RSPH4A: variants seen among roughly 807,000 people sequenced by gnomAD.
The protein encoded by RSPH4A is radial spoke head component 4A, also known as radial spoke head protein 4 homolog A.
A neutral mutation model predicts 71.0 loss-of-function variants in RSPH4A; 47 were observed. The ratio of observed to expected loss-of-function variants is 0.66; its 90% CI spans 0.52 to 0.84. RSPH4A has a LOEUF of 0.84. Among genes scored for constraint, RSPH4A ranks in the 40% least tolerant of loss-of-function variants. RSPH4A has a pLI of 0.00. For synonymous variants in RSPH4A, 282 were observed against 302.3 expected, an observed-to-expected ratio of 0.93 and a Z score of 0.70; for missense variants, 793 against 855.2, an observed-to-expected ratio of 0.93 and a Z score of 0.91.
chr6:116,619,492 A>G (rs766114192), intron 1 of RSPH4A, among the ~76,000 whole-genome samples: 23 of 152,198 alleles, frequency 1.5e-4, no homozygotes, highest in Admixed American at 6.5e-5. Context: ...CAATGTATAT[A>G]AATCATAATT....
At chr6:116,619,161 G>T (rs912976078) in intron 1 of RSPH4A, among the ~76,000 whole-genome samples, 26 of 152,110 alleles carry the variant, frequency 1.7e-4, no homozygotes, top group Non-Finnish European at 2.9e-4. Flanking sequence ...GGCCTTTTAT[G>T]GATATGTTAT....
In RSPH4A at chr6:116,632,356, T is replaced by A; in HGVS notation, c.2066T>A (p.Phe689Tyr). ...DDPSVEEEQAFRAAQEAVLLA... is the reference protein window; with the variant it reads ...DDPSVEEEQAYRAAQEAVLLA... ...CCTAGTGTGGAGGAGGAGCAGGCTTTCAGGGCTGCACAAGAAGCAGTTCTA... is the reference window on the plus strand; with the variant it reads ...CCTAGTGTGGAGGAGGAGCAGGCTTACAGGGCTGCACAAGAAGCAGTTCTA... Residue 689 changes from phenylalanine (F) to tyrosine (Y), a missense_variant, in exon 6 of 6, where the codon TTC becomes TAC. By Grantham distance (22) the Phe-to-Tyr change is conservative. Coordinates refer to ENST00000229554, the MANE Select transcript of RSPH4A (RefSeq NM_001010892.3). 1 of 1,614,064 alleles carries A rather than the reference T, an allele frequency of 6.2e-7. No individual in the cohort carries two copies. The highest frequency in any genetic ancestry group is 8.5e-7 in the Non-Finnish European group (1 of 1,180,004).
intron 3 of RSPH4A, among the ~76,000 whole-genome samples, 153 bp from the exon 4 acceptor site, chr6:116,629,414 C>A (rs1775755875): frequency 6.6e-6 from 1 of 152,114 alleles, no homozygotes; most frequent in Non-Finnish European, 1.5e-5. Flanking sequence ...CAACCTAGAT[C>A]AAAATAGCAC....
intron 5 of RSPH4A, among the ~76,000 whole-genome samples, chr6:116,631,220 A>AT (rs1775799680): frequency 6.6e-6 from 1 of 152,206 alleles, no homozygotes; most frequent in Non-Finnish European, 1.5e-5. Context: ...AGGTATTTCT[A>AT]AGCAATGTTT....
Position 116,628,037 on chromosome 6 carries a change from T to C in RSPH4A, c.1330T>C (p.Leu444=), listed in dbSNP as rs961183978. 1 of 1,614,062 alleles carries C rather than the reference T, an allele frequency of 6.2e-7. No individual in the cohort carries two copies. The highest frequency in any genetic ancestry group is 1.3e-5 in the African/African-American group (1 of 74,918). Residue 444 remains leucine, a synonymous_variant, in exon 3 of 6, where the codon TTA becomes CTA. Transcript: ENST00000229554. The part of the protein sequence containing the change: ...CNEPGRPWVK[L]PPVIPAQIVI... Reference sequence around the variant, plus strand: ...TGAACCAGGAAGACCATGGGTGAAGTTACCACCAGTTATACCTGCACAAAT... The same window carrying C: ...TGAACCAGGAAGACCATGGGTGAAGCTACCACCAGTTATACCTGCACAAAT...
chr6:116,617,254 A>G lies in RSPH4A; in HGVS notation c.631A>G (p.Ile211Val). ...EVAPSMLEIT[I>V]QNAKAYLLKT... ...GGCCCCCAGCATGCTTGAGATCACC[A>G]TTCAGAATGCTAAGGCTTACCTGCT... Residue 211 changes from isoleucine to valine, a missense_variant, in exon 1 of 6, where the codon ATT becomes GTT. Physicochemically the swap from Ile to Val is conservative, Grantham distance 29. Transcript: ENST00000229554. 6.2e-7 allele frequency: 1 copy of G among 1,614,004 alleles called. No homozygotes were observed. Among genetic ancestry groups the G allele is most frequent in the Non-Finnish European group, 8.5e-7 (1 of 1,179,970 alleles).
chr6:116,618,713 G>T lies in RSPH4A; in HGVS notation c.686+1404G>T, dbSNP rs1308778367. On this transcript the variant is annotated intron_variant, in intron 1 of 5. Transcript: ENST00000229554. ...AAGACTTCCGTGACAAAATGTTTGG[G>T]GTTCTGTTTCCCTATCCACAAGCAA... Among the ~76,000 whole-genome samples, 5 of 152,280 alleles carry T rather than the reference G, an allele frequency of 3.3e-5. No homozygotes were observed. In the East Asian group the frequency reaches 7.7e-4, roughly 24 times the overall value.
Position 116,616,948 on chromosome 6 carries a change from C to T in RSPH4A, c.325C>T (p.Gln109Ter), listed in dbSNP as rs118204042. ...PARQDLAAPP[Q>*]SDRTTSVIPE... is the part of the protein sequence containing the mutation. Reference sequence around the variant, plus strand: ...CAGACAAGACCTCGCGGCACCACCTCAGTCGGACAGGACCACGAGTGTGAT... The same window carrying T: ...CAGACAAGACCTCGCGGCACCACCTTAGTCGGACAGGACCACGAGTGTGAT... The change falls in exon 1 of 6, where the codon CAG (glutamine) becomes TAG (stop). Residue 109 changes from glutamine (Q) to a stop codon, truncating the protein, a stop_gained. Transcript: ENST00000229554. LOFTEE classifies it high-confidence loss of function. The T allele has an allele frequency of 1.9e-5, 31 of 1,614,114 alleles. No homozygotes were observed. Among genetic ancestry groups the T allele is most frequent in the Non-Finnish European group, 2.6e-5 (31 of 1,180,040 alleles).
Position 116,616,554 on chromosome 6 carries a change from AAC to A in RSPH4A, c.-69_-68del. 1.5e-6 allele frequency: 2 copies of A among 1,349,582 alleles called. No individual in the cohort carries two copies. Among genetic ancestry groups the A allele is most frequent in the Admixed American group, 3.9e-5 (2 of 50,970 alleles). The allele number at this position is 1,349,582 out of a possible 1,614,324, so 83.6% of individuals were successfully genotyped here. A position where few individuals can be genotyped will look rare whatever the true frequency, so the allele number is the denominator to read the frequency against. ...TTAAGAGACCGCGGCAAAGTAACTT[AAC>A]TGAGTTGCCTTCTTCCATATTTTCA... On this transcript the variant is annotated 5_prime_UTR_variant, in exon 1 of 6. It adds an upstream start codon to the 5' untranslated region. Coordinates refer to ENST00000229554, the MANE Select transcript of RSPH4A (RefSeq NM_001010892.3).
At chr6:116,620,359 G>A (rs895615807) in intron 1 of RSPH4A, among the ~76,000 whole-genome samples, 4 of 152,048 alleles carry the variant, frequency 2.6e-5, no homozygotes, top group Non-Finnish European at 5.9e-5. Context: ...TATCCTCTAA[G>A]TACTTTAGTG....
chr6:116,624,641 G>C (rs1265099039), intron 2 of RSPH4A, among the ~76,000 whole-genome samples: 1 of 152,158 alleles, frequency 6.6e-6, no homozygotes, highest in Non-Finnish European at 1.5e-5. Flanking sequence ...GGAACAGATA[G>C]AGAGACAGGT....
chr6:116,622,095 A>G (rs1312519714), intron 1 of RSPH4A, among the ~76,000 whole-genome samples: 4 of 152,182 alleles, frequency 2.6e-5, no homozygotes, highest in South Asian at 2.1e-4. Flanking sequence ...TCACATTTCA[A>G]TAAAGGTAAG....
At position 116,632,377 on chromosome 6, in the gene RSPH4A, T is replaced by A. The variant is rs768244517; in HGVS notation, c.2087T>A (p.Val696Asp). The A allele has an allele frequency of 6.2e-7, 1 of 1,613,976 alleles. No individual in the cohort carries two copies. Among genetic ancestry groups the A allele is most frequent in the Admixed American group, 1.7e-5 (1 of 59,986 alleles). The change falls in exon 6 of 6, where the codon GTT becomes GAT. Residue 696 changes from valine to aspartate, a missense_variant. Coordinates refer to ENST00000229554, the MANE Select transcript of RSPH4A (RefSeq NM_001010892.3). ...EQAFRAAQEAVLLAAENEESE... is the reference protein window; with the variant it reads ...EQAFRAAQEADLLAAENEESE... ...GCTTTCAGGGCTGCACAAGAAGCAGTTCTACTCGCAGCTGAGAATGAAGAA... is the reference window on the plus strand; with the variant it reads ...GCTTTCAGGGCTGCACAAGAAGCAGATCTACTCGCAGCTGAGAATGAAGAA...
rs751963395 is a variant in RSPH4A, at chr6:116,627,968, G to T, written c.1261G>T (p.Glu421Ter). 6.8e-6 allele frequency: 11 copies of T among 1,614,074 alleles called. No homozygotes were observed. Among genetic ancestry groups the T allele is most frequent in the Non-Finnish European group, 8.5e-6 (10 of 1,180,026 alleles). Residue 421 changes from glutamate (E) to a stop codon, truncating the protein, a stop_gained, in exon 3 of 6, where the codon GAA becomes TAA. Coordinates refer to ENST00000229554, the MANE Select transcript of RSPH4A (RefSeq NM_001010892.3). LOFTEE classifies it high-confidence loss of function. ...GGCCCCACAGGCTATACCAAAAGAA[G>T]AAAGTAGAACAGGTGCCAACAAATA... The part of the protein sequence containing the change: ...YKAPQAIPKE[E>*]SRTGANKYVY...
chr6:116,631,392 T>C (rs1368208936), intron 5 of RSPH4A, among the ~76,000 whole-genome samples: 3 of 152,062 alleles, frequency 2.0e-5, no homozygotes, highest in African/African-American at 7.2e-5. Context: ...TTTTCCCCCA[T>C]GGAATGGCCC....
rs1342093639 is a variant in RSPH4A, at chr6:116,629,658, AG to A, written c.1756del (p.Glu586LysfsTer7). The part of the protein sequence containing the change: ...EEKDDSDYIE[Q>X]EVGLPLLTPI... ...AAAGACGATTCTGACTACATAGAAC[AG>A]GAAGTGGGGCTTCCTCTTTTGACAC... On this transcript the variant is annotated frameshift_variant, in exon 4 of 6. Transcript: ENST00000229554. LOFTEE classifies it high-confidence loss of function. 1.2e-6 allele frequency: 2 copies of A among 1,613,274 alleles called. No individual in the cohort carries two copies. The highest frequency in any genetic ancestry group is 1.7e-6 in the Non-Finnish European group (2 of 1,179,352).
chr6:116,623,513 T>C (rs887121554), intron 2 of RSPH4A, among the ~76,000 whole-genome samples: 8 of 152,008 alleles, frequency 5.3e-5, no homozygotes, highest in Non-Finnish European at 1.5e-5. Context: ...TACTGTGTTT[T>C]AGTATTTTGC....
At chr6:116,618,240 A>T (rs975511222) in intron 1 of RSPH4A, among the ~76,000 whole-genome samples, 45 of 152,090 alleles carry the variant, frequency 3.0e-4, no homozygotes, top group Non-Finnish European at 2.9e-5. Flanking sequence ...ATTCTTCAGA[A>T]CTCAGCTTCC....
At chr6:116,631,720 C>A (rs1044419080) in intron 5 of RSPH4A, among the ~76,000 whole-genome samples, 2 of 152,200 alleles carry the variant, frequency 1.3e-5, no homozygotes, top group Non-Finnish European at 2.9e-5. Context: ...CCCGTAAAGA[C>A]AGCAGTGCAT....
Sources: gnomAD v4.1 joint callset for allele counts (sites outside exome capture counted in the v4.1 genomes callset) on GRCh38, gnomAD v4.1.1 for gene constraint, MANE v1.5 for transcripts, NCBI Gene and HGNC (gene_info 2026-07-23, HGNC 2026-07-21) for gene names.